Variants in SLC25A12 observed in about 807,000 individuals in gnomAD.
SLC25A12 encodes electrogenic aspartate/glutamate antiporter SLC25A12, mitochondrial.
A neutral mutation model predicts 83.3 loss-of-function variants in SLC25A12; 32 were observed. The ratio of observed to expected loss-of-function variants is 0.38; its 90% CI spans 0.29 to 0.52. The LOEUF is 0.52. SLC25A12 is among the 20% of genes least tolerant of loss of function. The pLI, the probability that SLC25A12 is intolerant of heterozygous loss-of-function variation, is 0.84. For synonymous variants in SLC25A12, 267 were observed against 291.1 expected, an observed-to-expected ratio of 0.92 and a Z score of 0.84; for missense variants, 611 against 835.6, an observed-to-expected ratio of 0.73 and a Z score of 3.31.
intron 8 of SLC25A12, among the ~76,000 whole-genome samples, chr2:171,827,536 T>C (rs1684330392): frequency 1.3e-5 from 2 of 152,156 alleles, no homozygotes; most frequent in African/African-American, 2.4e-5. Context: ...CTCCGATTGG[T>C]TGTGGGCCAA....
At chr2:171,787,457 A>G in intron 17 of SLC25A12, 114 bp downstream of exon 17, 1 of 882,034 alleles carries the variant, frequency 1.1e-6, no homozygotes, top group Non-Finnish European at 2.0e-6. Context: ...CATTGGTCTT[A>G]AAGGTTCTGT....
chr2:171,893,374 TAAAAC>T, intron 1 of SLC25A12, 116 bp from the exon 2 acceptor site: 2 of 897,346 alleles, frequency 2.2e-6, no homozygotes, highest in Non-Finnish European at 3.6e-6. Context: ...TCATTTAGTT[TAAAAC>T]AAACTAAAAG....
chr2:171,829,740 TAGAG>T (rs1266133730), intron 8 of SLC25A12, among the ~76,000 whole-genome samples: 1 of 152,222 alleles, frequency 6.6e-6, no homozygotes, highest in Non-Finnish European at 1.5e-5. Flanking sequence ...TCATCTCTCA[TAGAG>T]AGACGTTCAA....
At chr2:171,804,910 A>T (rs912920013) in intron 13 of SLC25A12, among the ~76,000 whole-genome samples, 11 of 152,144 alleles carry the variant, frequency 7.2e-5, no homozygotes, top group Non-Finnish European at 8.8e-5. Flanking sequence ...GATCTTACGG[A>T]TGGGATGGGA....
At chr2:171,857,754 A>G (rs1685075919) in intron 3 of SLC25A12, among the ~76,000 whole-genome samples, 1 of 151,810 alleles carries the variant, frequency 6.6e-6, no homozygotes, top group Non-Finnish European at 1.5e-5. Flanking sequence ...AGCCAGGTGC[A>G]ATGTCATGAA....
chr2:171,819,086 G>C (rs1242413012), intron 9 of SLC25A12, among the ~76,000 whole-genome samples: 1 of 130,204 alleles, frequency 7.7e-6, no homozygotes, highest in Non-Finnish European at 1.6e-5. Flanking sequence ...AGGAGATGAA[G>C]GAAAAATATA....
intron 5 of SLC25A12, 119 bp downstream of exon 5, chr2:171,844,250 A>T: frequency 1.9e-6 from 2 of 1,077,592 alleles, no homozygotes; most frequent in Non-Finnish European, 2.7e-6. Flanking sequence ...GGGGAAATTT[A>T]AAAAATAGGA....
At chr2:171,828,084 A>T (rs1302693496) in intron 8 of SLC25A12, among the ~76,000 whole-genome samples, 1 of 152,162 alleles carries the variant, frequency 6.6e-6, no homozygotes, top group Non-Finnish European at 1.5e-5. Context: ...GCACCTGACC[A>T]CCATTGCCTG....
At chr2:171,806,605 T>G (rs1683837198) in intron 13 of SLC25A12, among the ~76,000 whole-genome samples, 1 of 152,208 alleles carries the variant, frequency 6.6e-6, no homozygotes, top group Admixed American at 6.5e-5. Flanking sequence ...AAGGGAATAT[T>G]GTCATTTCCA....
intron 13 of SLC25A12, among the ~76,000 whole-genome samples, chr2:171,795,056 C>T (rs1270977502): frequency 6.6e-6 from 1 of 152,232 alleles, no homozygotes; most frequent in Non-Finnish European, 1.5e-5. Context: ...ACCCCTATTC[C>T]AATCCTGACT....
At chr2:171,890,875 T>C (rs1299823129) in intron 2 of SLC25A12, among the ~76,000 whole-genome samples, 1 of 152,198 alleles carries the variant, frequency 6.6e-6, no homozygotes, top group Non-Finnish European at 1.5e-5. Context: ...CTTGTGTCAA[T>C]GTTTCATACT....
In SLC25A12 at chr2:171,813,336, C is replaced by A; in HGVS notation, c.1171+3G>T. ...CTTCAGCAGCTGGGATTTGCTTACT[C>A]ACCCCTGTAGAGTCCAAAGAAGCCC... On this transcript the variant is annotated splice_donor_region_variant and intron_variant, in intron 11 of 17. Coordinates refer to ENST00000422440, the MANE Select transcript of SLC25A12 (RefSeq NM_003705.5). The A allele has an allele frequency of 6.2e-7, 1 of 1,613,896 alleles. No homozygotes were observed. The highest frequency in any genetic ancestry group is 1.1e-5 in the South Asian group (1 of 91,064).
chr2:171,834,468 T>C (rs1684513586), intron 7 of SLC25A12: 1 of 508,856 alleles, frequency 2.0e-6, no homozygotes, highest in African/African-American at 1.9e-5. Flanking sequence ...ACAAACAAGC[T>C]GCTGCCACAC....
chr2:171,790,041 G>T (rs1202171088), intron 15 of SLC25A12, among the ~76,000 whole-genome samples: 2 of 152,102 alleles, frequency 1.3e-5, no homozygotes, highest in Non-Finnish European at 1.5e-5. Flanking sequence ...GGACTTGCTG[G>T]GCCCCAAATA....
At chr2:171,882,337 G>A (rs1574005863) in intron 2 of SLC25A12, among the ~76,000 whole-genome samples, 1 of 152,278 alleles carries the variant, frequency 6.6e-6, no homozygotes, top group African/African-American at 2.4e-5. Context: ...ACCAGATCTG[G>A]CCAATGAGAA....
chr2:171,844,225 G>A, intron 5 of SLC25A12, 144 bp downstream of exon 5: 1 of 757,278 alleles, frequency 1.3e-6, no homozygotes, highest in South Asian at 1.8e-5. Context: ...GTTTAAAGAA[G>A]TTGTCTCTGG....
chr2:171,794,853 G>A (rs1373045628), intron 13 of SLC25A12, among the ~76,000 whole-genome samples: 1 of 151,810 alleles, frequency 6.6e-6, no homozygotes, highest in Non-Finnish European at 1.5e-5. Flanking sequence ...GAAATCTGGG[G>A]CACTGTAATT....
chr2:171,877,486 G>A (rs1483364609), intron 2 of SLC25A12, among the ~76,000 whole-genome samples: 1 of 151,922 alleles, frequency 6.6e-6, no homozygotes, highest in African/African-American at 2.4e-5. Flanking sequence ...CCAACATAGC[G>A]AAACCCCATC....
chr2:171,835,028 A>G (rs926818647), intron 6 of SLC25A12, among the ~76,000 whole-genome samples, 163 bp from the exon 7 acceptor site: 1 of 152,232 alleles, frequency 6.6e-6, no homozygotes, highest in African/African-American at 2.4e-5. Flanking sequence ...GAAACAGTGC[A>G]CTGCATGCCC....
Sources: gnomAD v4.1 joint callset for allele counts (sites outside exome capture counted in the v4.1 genomes callset) on GRCh38, gnomAD v4.1.1 for gene constraint, MANE v1.5 for transcripts, NCBI Gene and HGNC (gene_info 2026-07-23, HGNC 2026-07-21) for gene names.